The following ZNF723 variants were observed in gnomAD, a reference collection of about 807,000 sequenced individuals.
ZNF723 encodes the protein zinc finger protein 723.
ZNF723 carries 5 observed loss-of-function variants against 9.4 expected under a neutral mutation model. The observed-to-expected ratio is 0.53, with a 90% CI of 0.28 to 1.12. The LOEUF is 1.12. Ranked by LOEUF, ZNF723 falls within the 50% of genes most tolerant of loss-of-function variation. The probability of loss-of-function intolerance (pLI) is 0.10; values close to 1 mark genes in which losing one functional copy is unlikely to be tolerated. For synonymous variants in ZNF723, 158 were observed against 168.8 expected (o/e 0.94, Z 0.49); for missense variants, 450 against 501.5 (o/e 0.90, Z 0.98).
chr19:22,848,257 T>C lies in ZNF723; in HGVS notation c.4-4T>C. ...GTGTATGTGTGTGTGTGTTTTTTTT[T>C]CAGGGACCATTGACATTCACAGATG... On this transcript the variant is annotated splice_region_variant and splice_polypyrimidine_tract_variant and intron_variant, in intron 1 of 3. Transcript: ENST00000600766. 2 of 1,067,530 alleles carry C rather than the reference T, an allele frequency of 1.9e-6. No homozygotes were observed. Among genetic ancestry groups the C allele is most frequent in the Non-Finnish European group, 2.8e-6 (2 of 716,616 alleles). The allele number at this position is 1,067,530 out of a possible 1,614,324, so 66.1% of individuals were successfully genotyped here.
At chr19:22,843,988 C>T (rs1967278464) in intron 1 of ZNF723, among the ~76,000 whole-genome samples, 1 of 152,096 alleles carries the variant, frequency 6.6e-6, no homozygotes, top group South Asian at 2.1e-4. Flanking sequence ...CCACTCCCTG[C>T]CCCAGTTCTG....
chr19:22,857,253 A>T lies in ZNF723; in HGVS notation c.362A>T (p.Asp121Val). ...TTAAGAAAAGGCTGTGAAAGTGTGG[A>T]TGAGTGTAAGATGCACAAAGGAGGT... ...LQLRKGCESV[D>V]ECKMHKGGYD... The change falls in exon 4 of 4, where the codon GAT becomes GTT. Residue 121 changes from aspartate to valine, a missense_variant. By Grantham distance (152) the Asp-to-Val change is radical. Coordinates refer to ENST00000600766, the MANE Select transcript of ZNF723 (RefSeq NM_001349726.2). The T allele has an allele frequency of 1.2e-6, 1 of 840,174 alleles. No homozygotes were observed. Among genetic ancestry groups the T allele is most frequent in the Non-Finnish European group, 2.1e-6 (1 of 484,208 alleles). 52.0% of individuals were successfully genotyped at this position (840,174 alleles called of 1,614,324 possible). A position where few individuals can be genotyped will look rare whatever the true frequency, so the allele number is the denominator to read the frequency against.
intron 3 of ZNF723, among the ~76,000 whole-genome samples, chr19:22,850,113 T>A (rs1967372308): frequency 6.6e-6 from 1 of 151,434 alleles, no homozygotes; most frequent in South Asian, 2.1e-4. Flanking sequence ...CCTGGTTTGT[T>A]TTTTTTTTGT....
chr19:22,822,388 AT>A, the ZNF723 span, among the ~76,000 whole-genome samples: 1 of 152,220 alleles, frequency 6.6e-6, no homozygotes, highest in East Asian at 1.9e-4. Context: ...GATTAGTTGC[AT>A]TACCTGGACC....
chr19:22,858,250 CA>C lies in ZNF723; in HGVS notation c.1362del (p.Lys454AsnfsTer20). The C allele has an allele frequency of 1.5e-6, 2 of 1,341,738 alleles. No homozygotes were observed. Among genetic ancestry groups the C allele is most frequent in the South Asian group, 2.3e-5 (2 of 85,220 alleles). 83.1% of individuals were successfully genotyped at this position (1,341,738 alleles called of 1,614,324 possible). On this transcript the variant is annotated frameshift_variant, in exon 4 of 4. Transcript: ENST00000600766. LOFTEE classifies it low-confidence loss of function (END_TRUNC). ...KIIHTKEKPY[K>X]CEECGKAFNQ... The stretch of plus-strand genomic sequence containing the variant: ...TAATTCATACTAAAGAGAAACCCTA[CA>C]AATGTGAAGAATGTGGCAAAGCTTT...
chr19:22,821,278 G>T, the ZNF723 span, among the ~76,000 whole-genome samples: 1 of 152,132 alleles, frequency 6.6e-6, no homozygotes, highest in Non-Finnish European at 1.5e-5. Context: ...TGACTATCCT[G>T]CCTGGGTAAA....
chr19:22,841,844 G>A (rs1429044552), intron 1 of ZNF723, among the ~76,000 whole-genome samples: 1 of 151,974 alleles, frequency 6.6e-6, no homozygotes, highest in Non-Finnish European at 1.5e-5. Flanking sequence ...ACCTGCTGCA[G>A]ATCCAAATTC....
intron 1 of ZNF723, among the ~76,000 whole-genome samples, chr19:22,843,824 T>C (rs1967276192): frequency 6.6e-6 from 1 of 152,160 alleles, no homozygotes; most frequent in African/African-American, 2.4e-5. Flanking sequence ...AAGACATTTA[T>C]TTAAATTGCT....
At chr19:22,836,526 G>A (rs1264199005) in intron 1 of ZNF723, among the ~76,000 whole-genome samples, 1 of 152,258 alleles carries the variant, frequency 6.6e-6, no homozygotes, top group East Asian at 1.9e-4. Context: ...TAGGGGAATG[G>A]CAAATGGAGG....
the ZNF723 span, among the ~76,000 whole-genome samples, chr19:22,813,676 T>A: frequency 1.5e-4 from 23 of 151,710 alleles, no homozygotes; most frequent in African/African-American, 4.6e-4. Flanking sequence ...AGGAGGTGGG[T>A]GTTGCAGTGA....
chr19:22,813,265 G>A, the ZNF723 span, among the ~76,000 whole-genome samples: 1 of 152,120 alleles, frequency 6.6e-6, no homozygotes, highest in Non-Finnish European at 1.5e-5. Context: ...TGTCTTGCAG[G>A]TGTTATTGTG....
At chr19:22,819,863 T>C in the ZNF723 span, among the ~76,000 whole-genome samples, 122 of 152,260 alleles carry the variant, frequency 8.0e-4, no homozygotes, top group African/African-American at 2.8e-3. Context: ...CTCCTCTTTT[T>C]CCCAGGCCCT....
intron 1 of ZNF723, among the ~76,000 whole-genome samples, chr19:22,845,597 G>A (rs1250425305): frequency 6.6e-6 from 1 of 152,130 alleles, no homozygotes; most frequent in Non-Finnish European, 1.5e-5. Flanking sequence ...CTGTAGCAGA[G>A]ATTGTTGGTG....
rs142069044 is a variant in ZNF723 at position 22,855,056 on chromosome 19, A to T, written c.227-2062A>T. Among the ~76,000 whole-genome samples, 1,184 of 152,202 alleles carry T rather than the reference A, an allele frequency of 7.8e-3. 18 individuals carry two copies. The highest frequency in any genetic ancestry group is 0.027 in the African/African-American group (1,140 of 41,534). On this transcript the variant is annotated intron_variant, in intron 3 of 3. Transcript: ENST00000600766. The stretch of plus-strand genomic sequence containing the variant: ...GATTGAAACTCCATCTCAAAAAAAA[A>T]AATATTCTTCCTCAAATTTTTTATT...
At chr19:22,848,164 C>G (rs1967340100) in intron 1 of ZNF723, 97 bp from the exon 2 acceptor site, 8 of 499,198 alleles carry the variant, frequency 1.6e-5, no homozygotes, top group Non-Finnish European at 2.9e-5. Context: ...AGAACCTGTT[C>G]TCTTTACTCT....
intron 3 of ZNF723, among the ~76,000 whole-genome samples, chr19:22,856,038 C>T (rs1469863938): frequency 6.6e-6 from 1 of 152,098 alleles, no homozygotes; most frequent in Non-Finnish European, 1.5e-5. Flanking sequence ...TGGCTCACTG[C>T]AACTTCCACC....
intron 1 of ZNF723, among the ~76,000 whole-genome samples, chr19:22,832,836 C>T (rs1293041853): frequency 6.6e-6 from 1 of 152,098 alleles, no homozygotes; most frequent in Admixed American, 6.5e-5. Context: ...ATAGAGCACC[C>T]CTATGGGTTG....
chr19:22,821,385 T>A, the ZNF723 span, among the ~76,000 whole-genome samples: 1 of 152,182 alleles, frequency 6.6e-6, no homozygotes, highest in Non-Finnish European at 1.5e-5. Context: ...TGTGACATCC[T>A]GCTGGACCCA....
At chr19:22,843,811 C>G (rs983662088) in intron 1 of ZNF723, among the ~76,000 whole-genome samples, 1 of 152,096 alleles carries the variant, frequency 6.6e-6, no homozygotes, top group Non-Finnish European at 1.5e-5. Context: ...CCTAGAGAAC[C>G]TTAAGACATT....
Sources: allele counts gnomAD v4.1 joint callset (sites outside exome capture counted in the v4.1 genomes callset), GRCh38; gene constraint gnomAD v4.1.1; transcripts MANE v1.5; gene names NCBI Gene and HGNC (gene_info 2026-07-23, HGNC 2026-07-21).